CDH12: variants seen among roughly 807,000 people sequenced by gnomAD.
The protein encoded by CDH12 is cadherin 12.
A neutral mutation model predicts 74.1 loss-of-function variants in CDH12; 41 were observed. That is an observed-to-expected ratio of 0.55 (90% confidence interval 0.43 to 0.72). The LOEUF (loss-of-function observed/expected upper bound fraction) is 0.72, where lower values mean the gene tolerates loss of function less well. Ranked by LOEUF, CDH12 falls within the 30% of genes least tolerant of loss-of-function variation. The pLI is 0.00. For missense variants in CDH12, 945 were observed against 977.2 expected (o/e 0.97, Z 0.44); for synonymous variants, 399 against 355.0 (o/e 1.12, Z -1.39).
intron 1 of CDH12, among the ~76,000 whole-genome samples, chr5:22,513,816 T>C (rs1736703296): frequency 6.6e-6 from 1 of 151,736 alleles, no homozygotes; most frequent in Admixed American, 6.6e-5. Context: ...GGCTTGGTGG[T>C]GGGTGCCTGT....
At chr5:22,090,252 A>G (rs1743330708) in intron 4 of CDH12, among the ~76,000 whole-genome samples, 1 of 151,990 alleles carries the variant, frequency 6.6e-6, no homozygotes, top group South Asian at 2.1e-4. Context: ...AATACCATGA[A>G]CAACTTTATG....
chr5:22,244,653 A>T (rs1314982080), intron 3 of CDH12, among the ~76,000 whole-genome samples: 1 of 147,634 alleles, frequency 6.8e-6, no homozygotes, highest in East Asian at 2.0e-4. Flanking sequence ...GGGAGAGAGA[A>T]AGAGAGAGGA....
At chr5:22,177,678 C>T (rs1749414959) in intron 4 of CDH12, among the ~76,000 whole-genome samples, 1 of 152,004 alleles carries the variant, frequency 6.6e-6, no homozygotes, top group Admixed American at 6.6e-5. Flanking sequence ...CTAGAGCAAC[C>T]TCTCTCTGTG....
chr5:22,463,395 T>A (rs970031350), intron 2 of CDH12, among the ~76,000 whole-genome samples: 1 of 152,148 alleles, frequency 6.6e-6, no homozygotes, highest in African/African-American at 2.4e-5. Context: ...TTACCATGTA[T>A]AAAAATGTTT....
At chr5:22,289,864 C>T (rs1307481441) in intron 3 of CDH12, among the ~76,000 whole-genome samples, 2 of 152,140 alleles carry the variant, frequency 1.3e-5, no homozygotes, top group African/African-American at 4.8e-5. Flanking sequence ...AATCACTAGA[C>T]ATGTCCTGGA....
intron 5 of CDH12, among the ~76,000 whole-genome samples, chr5:21,979,086 C>A (rs1161420108): frequency 6.6e-6 from 1 of 152,120 alleles, no homozygotes; most frequent in Non-Finnish European, 1.5e-5. Flanking sequence ...TTTTACACAG[C>A]CTTTTTAATC....
At chr5:22,666,290 T>G (rs201120472) in intron 1 of CDH12, among the ~76,000 whole-genome samples, 2 of 87,480 alleles carry the variant, frequency 2.3e-5, no homozygotes, top group Non-Finnish European at 4.9e-5. Context: ...ATCTTTTTTT[T>G]TTTTTTTTTT....
chr5:22,564,135 C>A (rs1204053355), intron 1 of CDH12, among the ~76,000 whole-genome samples: 1 of 152,188 alleles, frequency 6.6e-6, no homozygotes, highest in Non-Finnish European at 1.5e-5. Context: ...ATTTTCTGAT[C>A]ATTTTGCTGC....
chr5:22,362,606 A>G (rs2126308626), intron 3 of CDH12, among the ~76,000 whole-genome samples: 1 of 152,230 alleles, frequency 6.6e-6, no homozygotes, highest in African/African-American at 2.4e-5. Flanking sequence ...ATTATAAATC[A>G]TGCTGCTATA....
At chr5:21,978,898 C>T (rs754037982) in intron 5 of CDH12, among the ~76,000 whole-genome samples, 1 of 152,086 alleles carries the variant, frequency 6.6e-6, no homozygotes, top group Admixed American at 6.6e-5. Context: ...TGATCTCTAT[C>T]GATGAAACTG....
intron 3 of CDH12, among the ~76,000 whole-genome samples, chr5:22,330,736 C>A (rs1428328188): frequency 1.6e-5 from 2 of 124,060 alleles, no homozygotes; most frequent in African/African-American, 3.3e-5. Flanking sequence ...GACAACAGAG[C>A]GAGACTCCAA....
At chr5:22,813,969 G>T (rs148289883) in intron 1 of CDH12, among the ~76,000 whole-genome samples, 1 of 152,078 alleles carries the variant, frequency 6.6e-6, no homozygotes, top group East Asian at 1.9e-4. Context: ...AACATGCTAA[G>T]TCCATGGTAA....
intron 1 of CDH12, among the ~76,000 whole-genome samples, chr5:22,519,140 G>C (rs935616596): frequency 6.6e-6 from 1 of 152,144 alleles, no homozygotes; most frequent in African/African-American, 2.4e-5. Flanking sequence ...CTCAGGTACT[G>C]TGAGTCTTAG....
chr5:22,264,363 T>C (rs1283620582), intron 3 of CDH12, among the ~76,000 whole-genome samples: 1 of 152,168 alleles, frequency 6.6e-6, no homozygotes, highest in Non-Finnish European at 1.5e-5. Flanking sequence ...TAAACATTTT[T>C]TAAATGTTTG....
chr5:22,661,101 C>T (rs1165475960), intron 1 of CDH12, among the ~76,000 whole-genome samples: 1 of 151,608 alleles, frequency 6.6e-6, no homozygotes, highest in Non-Finnish European at 1.5e-5. Flanking sequence ...TTCTAATGTG[C>T]AATTAGAGGA....
At chr5:22,740,656 T>TA (rs1408901221) in intron 1 of CDH12, among the ~76,000 whole-genome samples, 1 of 152,008 alleles carries the variant, frequency 6.6e-6, no homozygotes, top group Admixed American at 6.6e-5. Flanking sequence ...GGAAAAGACA[T>TA]AAAAAAACAG....
At chr5:21,855,099 A>T (rs764963663) in intron 6 of CDH12, among the ~76,000 whole-genome samples, 20 of 151,754 alleles carry the variant, frequency 1.3e-4, no homozygotes, top group Non-Finnish European at 2.8e-4. Flanking sequence ...GACACCACTT[A>T]TATTAGCTCA....
chr5:22,195,819 G>A (rs2150350266), intron 4 of CDH12, among the ~76,000 whole-genome samples: 1 of 152,146 alleles, frequency 6.6e-6, no homozygotes, highest in Non-Finnish European at 1.5e-5. Flanking sequence ...CCTAAATTTA[G>A]CTCAATATGA....
chr5:22,034,705 C>T (rs147680037), intron 5 of CDH12, among the ~76,000 whole-genome samples: 255 of 152,184 alleles, frequency 1.7e-3, no homozygotes, highest in African/African-American at 6.0e-3. Flanking sequence ...AACATTTGTG[C>T]TGTAATTCTT....
Sources: allele counts gnomAD v4.1 joint callset (sites outside exome capture counted in the v4.1 genomes callset), GRCh38; gene constraint gnomAD v4.1.1; transcripts MANE v1.5; gene names NCBI Gene and HGNC (gene_info 2026-07-23, HGNC 2026-07-21).